Variants in FCHO2 observed in about 807,000 individuals in gnomAD.
FCHO2 encodes FCH and mu domain containing endocytic adaptor 2, also known as F-BAR domain only protein 2.
A neutral mutation model predicts 114.1 loss-of-function variants in FCHO2; 43 were observed. That is an observed-to-expected ratio of 0.38 (90% confidence interval 0.30 to 0.49). The LOEUF (loss-of-function observed/expected upper bound fraction) is 0.49, where lower values mean the gene tolerates loss of function less well. FCHO2 is among the 20% of genes least tolerant of loss of function. FCHO2 has a pLI of 0.97. For synonymous variants in FCHO2, 293 were observed against 315.2 expected, an observed-to-expected ratio of 0.93 and a Z score of 0.75; for missense variants, 807 against 950.4, an observed-to-expected ratio of 0.85 and a Z score of 1.98.
chr5:72,999,614 C>A (rs1003227977), intron 5 of FCHO2, among the ~76,000 whole-genome samples: 23 of 151,764 alleles, frequency 1.5e-4, no homozygotes, highest in Non-Finnish European at 2.4e-4. Flanking sequence ...AACTTCTGAC[C>A]TCAGGTGATA....
chr5:73,070,565 G>GTT (rs1329656282), intron 19 of FCHO2, among the ~76,000 whole-genome samples: 3 of 133,316 alleles, frequency 2.3e-5, no homozygotes, highest in Non-Finnish European at 3.3e-5. Flanking sequence ...TTCGCTTTAG[G>GTT]TTTTTTTTTT....
chr5:72,994,800 A>G (rs7727873), intron 5 of FCHO2, among the ~76,000 whole-genome samples: 1,924 of 152,310 alleles, frequency 0.013, 47 homozygotes, highest in African/African-American at 0.044. Flanking sequence ...GAATGAGATT[A>G]TATCTTTTGT....
At chr5:72,980,190 C>T (rs7726959) in intron 2 of FCHO2, among the ~76,000 whole-genome samples, 1 of 151,968 alleles carries the variant, frequency 6.6e-6, no homozygotes, top group Non-Finnish European at 1.5e-5. Flanking sequence ...TTTCTGCCTT[C>T]ATTTCGTTAT....
At chr5:72,964,958 C>G (rs1752110753) in intron 1 of FCHO2, among the ~76,000 whole-genome samples, 1 of 151,970 alleles carries the variant, frequency 6.6e-6, no homozygotes, top group Non-Finnish European at 1.5e-5. Context: ...ATAGTATATA[C>G]CCTTCCTGCC....
intron 17 of FCHO2, among the ~76,000 whole-genome samples, chr5:73,061,985 A>C (rs1757874410): frequency 6.6e-6 from 1 of 152,232 alleles, no homozygotes; most frequent in East Asian, 1.9e-4. Context: ...AAAGAATGGT[A>C]TGACAAGCAT....
At chr5:73,063,108 T>C (rs1431591042) in intron 17 of FCHO2, among the ~76,000 whole-genome samples, 1 of 152,068 alleles carries the variant, frequency 6.6e-6, no homozygotes, top group East Asian at 1.9e-4. Flanking sequence ...GCTAATACAT[T>C]TGTGACTTTT....
intron 2 of FCHO2, among the ~76,000 whole-genome samples, chr5:72,978,160 C>G (rs886988419): frequency 6.6e-6 from 1 of 152,152 alleles, no homozygotes; most frequent in Non-Finnish European, 1.5e-5. Context: ...TCAATGATTG[C>G]TTGATGAGGA....
intron 2 of FCHO2, among the ~76,000 whole-genome samples, chr5:72,986,011 T>C (rs1044031321): frequency 6.6e-6 from 1 of 152,162 alleles, no homozygotes; most frequent in African/African-American, 2.4e-5. Flanking sequence ...GTCCTTTACA[T>C]CTCTTCTCTG....
chr5:72,965,823 C>T (rs1752172343), intron 1 of FCHO2, among the ~76,000 whole-genome samples: 1 of 151,936 alleles, frequency 6.6e-6, no homozygotes, highest in Non-Finnish European at 1.5e-5. Flanking sequence ...ATTAAATGTC[C>T]ATAAGAGCTA....
intron 24 of FCHO2, among the ~76,000 whole-genome samples, chr5:73,085,350 A>G (rs143528734): frequency 6.6e-6 from 1 of 152,192 alleles, no homozygotes; most frequent in African/African-American, 2.4e-5. Context: ...CTCAAAAAAT[A>G]AAAAAATGAG....
intron 8 of FCHO2, among the ~76,000 whole-genome samples, chr5:73,019,634 C>A (rs1019812856): frequency 6.6e-6 from 1 of 152,296 alleles, no homozygotes; most frequent in Admixed American, 6.5e-5. Flanking sequence ...GCTAATCTTT[C>A]TACTTGGAAA....
chr5:72,973,113 A>C (rs1451216532), intron 2 of FCHO2, among the ~76,000 whole-genome samples: 1 of 152,148 alleles, frequency 6.6e-6, no homozygotes, highest in African/African-American at 2.4e-5. Context: ...CCAGTATTTT[A>C]TTGAGGATTT....
intron 20 of FCHO2, among the ~76,000 whole-genome samples, chr5:73,075,256 C>A (rs945883546): frequency 6.6e-6 from 1 of 152,068 alleles, no homozygotes; most frequent in Non-Finnish European, 1.5e-5. Flanking sequence ...TAGAGGGCTA[C>A]TATTTTAGAT....
At position 73,089,511 on chromosome 5, in the gene FCHO2, C is replaced by CT. The variant is rs1743417909; in HGVS notation, c.*1421_*1422insT. 1 of 152,202 alleles carries CT rather than the reference C, an allele frequency of 6.6e-6. No homozygotes were observed. Among genetic ancestry groups the CT allele is most frequent in the African/African-American group, 2.4e-5 (1 of 41,380 alleles). The allele number at this position is 152,202 out of a possible 1,614,324, so 9.4% of individuals were successfully genotyped here. ...GTTAAACATTTCTAAAAATAAACTA[C>CT]CAATACTAAATAGTAAGAAACCTAA... On this transcript the variant is annotated 3_prime_UTR_variant, in exon 26 of 26. Coordinates refer to ENST00000430046, the MANE Select transcript of FCHO2 (RefSeq NM_138782.3).
chr5:72,990,655 C>T lies in FCHO2; in HGVS notation c.342+36C>T, dbSNP rs1236632872. ...TTTTCTTGTTAAATAATTGATTGGTCAGATATTGAATACTTTATAGTTCAG... is the reference window on the plus strand; with the variant it reads ...TTTTCTTGTTAAATAATTGATTGGTTAGATATTGAATACTTTATAGTTCAG... On this transcript the variant is annotated intron_variant, in intron 4 of 25. Coordinates refer to ENST00000430046, the MANE Select transcript of FCHO2 (RefSeq NM_138782.3). The T allele has an allele frequency of 6.5e-6, 10 of 1,527,798 alleles. No homozygotes were observed. In the Admixed American group the frequency reaches 1.4e-4, roughly 22 times the overall value. 94.6% of individuals were successfully genotyped at this position (1,527,798 alleles called of 1,614,324 possible).
At chr5:73,082,879 T>G in intron 24 of FCHO2, 54 bp downstream of exon 24, 1 of 1,349,930 alleles carries the variant, frequency 7.4e-7, no homozygotes. Flanking sequence ...AAAATTGATT[T>G]TTTTTTTTTT....
chr5:73,024,812 G>A (rs1384736459), intron 8 of FCHO2, among the ~76,000 whole-genome samples: 1 of 152,166 alleles, frequency 6.6e-6, no homozygotes, highest in Non-Finnish European at 1.5e-5. Context: ...TCATGGGGCT[G>A]TTGTGAGATT....
At chr5:73,010,311 T>G (rs558879198) in intron 6 of FCHO2, among the ~76,000 whole-genome samples, 1 of 152,314 alleles carries the variant, frequency 6.6e-6, no homozygotes, top group South Asian at 2.1e-4. Context: ...AATTGTGACT[T>G]TTTATGCTCA....
At chr5:73,004,577 T>G (rs1346482345) in intron 5 of FCHO2, among the ~76,000 whole-genome samples, 2 of 152,174 alleles carry the variant, frequency 1.3e-5, no homozygotes, top group Non-Finnish European at 2.9e-5. Flanking sequence ...TAAATTTAAC[T>G]GTATGCCAGA....
Sources: gnomAD v4.1 joint callset for allele counts (sites outside exome capture counted in the v4.1 genomes callset) on GRCh38, gnomAD v4.1.1 for gene constraint, MANE v1.5 for transcripts, NCBI Gene and HGNC (gene_info 2026-07-23, HGNC 2026-07-21) for gene names.